Variants in CCDC192 observed in about 807,000 individuals in gnomAD.
CCDC192 encodes coiled-coil domain-containing protein 192.
intron 5 of CCDC192, among the ~76,000 whole-genome samples, chr5:127,871,606 A>C (rs1273694475): frequency 6.6e-6 from 1 of 152,218 alleles, no homozygotes; most frequent in Non-Finnish European, 1.5e-5. Flanking sequence ...TCTAAGGCTT[A>C]GAAATGTCAT....
At chr5:127,752,711 C>T (rs1207414704) in intron 2 of CCDC192, among the ~76,000 whole-genome samples, 2 of 152,204 alleles carry the variant, frequency 1.3e-5, no homozygotes, top group Non-Finnish European at 2.9e-5. Flanking sequence ...CCTCCCCCAG[C>T]CTCGCTGCCG....
chr5:127,864,283 CTG>C (rs1420476463), intron 5 of CCDC192, among the ~76,000 whole-genome samples: 1 of 152,192 alleles, frequency 6.6e-6, no homozygotes. Flanking sequence ...TTCTCAGACT[CTG>C]GGAAGTTGTG....
chr5:127,722,968 G>A (rs1422350325), intron 2 of CCDC192, among the ~76,000 whole-genome samples: 1 of 151,946 alleles, frequency 6.6e-6, no homozygotes, highest in Non-Finnish European at 1.5e-5. Flanking sequence ...ACAAATCTTG[G>A]ATTTTTTTTT....
At chr5:127,888,988 T>TA (rs112153781) in intron 6 of CCDC192, among the ~76,000 whole-genome samples, 7,653 of 152,158 alleles carry the variant, frequency 0.05, 506 homozygotes, top group African/African-American at 0.15. Flanking sequence ...CAAAGGGAGG[T>TA]AATTTATTTA....
intron 3 of CCDC192, chr5:127,785,593 G>T: frequency 6.1e-6 from 1 of 164,042 alleles, no homozygotes. Context: ...CATGGTTACT[G>T]GCATCATCAT....
At chr5:127,918,975 A>C (rs1048127898) in intron 6 of CCDC192, among the ~76,000 whole-genome samples, 7 of 140,140 alleles carry the variant, frequency 5.0e-5, no homozygotes, top group Non-Finnish European at 9.6e-5. Flanking sequence ...CTGTGTGTAT[A>C]TGTGTGTGTG....
chr5:127,936,249 A>G (rs967260965), intron 6 of CCDC192, among the ~76,000 whole-genome samples: 6 of 152,304 alleles, frequency 3.9e-5, no homozygotes, highest in Non-Finnish European at 8.8e-5. Flanking sequence ...AGTCACCTCT[A>G]TTGTTATCTA....
intron 6 of CCDC192, among the ~76,000 whole-genome samples, chr5:127,894,758 A>G (rs903728480): frequency 1.3e-4 from 20 of 152,228 alleles, no homozygotes; most frequent in Non-Finnish European, 1.2e-4. Flanking sequence ...AGAAATCTGT[A>G]AGATTTTAGA....
intron 3 of CCDC192, chr5:127,784,573 C>G (rs1580653493): frequency 2.0e-6 from 1 of 498,952 alleles, no homozygotes; most frequent in East Asian, 4.9e-5. Context: ...CCAACATGAA[C>G]TATTTGCTGT....
intron 6 of CCDC192, among the ~76,000 whole-genome samples, chr5:127,888,324 G>A (rs1476865676): frequency 6.6e-6 from 1 of 151,912 alleles, no homozygotes; most frequent in Non-Finnish European, 1.5e-5. Context: ...GCTGAGGCAG[G>A]AGAATCACTT....
intron 5 of CCDC192, among the ~76,000 whole-genome samples, chr5:127,853,878 A>G (rs1750925839): frequency 6.6e-6 from 1 of 152,110 alleles, no homozygotes; most frequent in East Asian, 1.9e-4. Flanking sequence ...CTTAGAGATA[A>G]CCATTGTTTC....
chr5:127,899,289 G>C (rs907116843), intron 6 of CCDC192, among the ~76,000 whole-genome samples: 14 of 152,278 alleles, frequency 9.2e-5, no homozygotes, highest in African/African-American at 3.1e-4. Context: ...GGAGAGAAAG[G>C]TGTTCAAGAA....
rs375798829 is a variant in CCDC192 at position 127,719,829 on chromosome 5, A to AGC, written c.114+12070_114+12071insCG. On this transcript the variant is annotated intron_variant, in intron 2 of 6. Transcript: ENST00000514853. Reference sequence around the variant, plus strand: ...CGTCTCGCATGGCCAGATCAGAGGAAGGGGCGGGGGAGGTGACACATGCTT... The same window carrying AGC: ...CGTCTCGCATGGCCAGATCAGAGGAAGCGGGGCGGGGGAGGTGACACATGCTT... 1.1e-4 allele frequency among the ~76,000 whole-genome samples: 10 copies of AGC among 94,412 alleles called. No individual in the cohort carries two copies. In the East Asian group the frequency reaches 1.8e-3, roughly 17 times the overall value. 61.9% of individuals were successfully genotyped at this position (94,412 alleles called of 152,430 possible). A position where few individuals can be genotyped will look rare whatever the true frequency, so the allele number is the denominator to read the frequency against.
At chr5:127,913,738 A>G (rs1171944480) in intron 6 of CCDC192, among the ~76,000 whole-genome samples, 3 of 152,256 alleles carry the variant, frequency 2.0e-5, no homozygotes, top group Admixed American at 6.5e-5. Flanking sequence ...TCTGTTGTCA[A>G]CTTCCTCAGA....
intron 6 of CCDC192, among the ~76,000 whole-genome samples, chr5:127,936,171 G>A (rs541136349): frequency 1.3e-5 from 2 of 152,258 alleles, no homozygotes; most frequent in African/African-American, 4.8e-5. Context: ...TATACTGGTA[G>A]CAGATGAGGC....
At chr5:127,893,396 A>G (rs1752785835) in intron 6 of CCDC192, among the ~76,000 whole-genome samples, 1 of 152,228 alleles carries the variant, frequency 6.6e-6, no homozygotes, top group South Asian at 2.1e-4. Context: ...TGACACACAG[A>G]GAATCAACAA....
chr5:127,712,890 TTAG>T (rs1163334555), intron 2 of CCDC192, among the ~76,000 whole-genome samples: 5 of 152,192 alleles, frequency 3.3e-5, no homozygotes, highest in Non-Finnish European at 5.9e-5. Context: ...CATGAAAATT[TTAG>T]TTCGTCTACA....
chr5:127,735,873 A>T (rs111628295), intron 2 of CCDC192, among the ~76,000 whole-genome samples: 1 of 137,914 alleles, frequency 7.3e-6, no homozygotes, highest in South Asian at 2.4e-4. Flanking sequence ...GTCTTCTGCA[A>T]AGAGGGACAA....
At chr5:127,723,552 G>A (rs1378757962) in intron 2 of CCDC192, among the ~76,000 whole-genome samples, 1 of 152,186 alleles carries the variant, frequency 6.6e-6, no homozygotes, top group East Asian at 1.9e-4. Context: ...GACTTTGAAA[G>A]CACAGTTCAA....
Sources: allele counts gnomAD v4.1 joint callset (sites outside exome capture counted in the v4.1 genomes callset), GRCh38; gene constraint gnomAD v4.1.1; transcripts MANE v1.5; gene names NCBI Gene and HGNC (gene_info 2026-07-23, HGNC 2026-07-21).